DNAH12: variants seen among roughly 807,000 people sequenced by gnomAD.
DNAH12 encodes axonemal beta dynein heavy chain 12.
Under a neutral mutation model 371.5 loss-of-function variants are expected in DNAH12, and 285 were observed. The ratio of observed to expected loss-of-function variants is 0.77; its 90% CI spans 0.70 to 0.85. DNAH12 has a LOEUF of 0.85. Among genes scored for constraint, DNAH12 ranks in the 40% least tolerant of loss-of-function variants. DNAH12 has a pLI of 0.00. For missense variants in DNAH12, 3,611 were observed against 3,689.4 expected, an observed-to-expected ratio of 0.98 and a Z score of 0.55; for synonymous variants, 1,200 against 1,213.0, an observed-to-expected ratio of 0.99 and a Z score of 0.22.
intron 11 of DNAH12, among the ~76,000 whole-genome samples, chr3:57,490,918 G>C (rs145775689): frequency 6.6e-6 from 1 of 151,752 alleles, no homozygotes; most frequent in African/African-American, 2.4e-5. Flanking sequence ...GTGAAACCCC[G>C]TCTCTACTAA....
At chr3:57,435,631 G>A (rs2065100049) in intron 30 of DNAH12, among the ~76,000 whole-genome samples, 1 of 152,002 alleles carries the variant, frequency 6.6e-6, no homozygotes, top group African/African-American at 2.4e-5. Context: ...TGTGAGTCTA[G>A]TCTAAAACAT....
chr3:57,445,939 G>C, intron 27 of DNAH12, 92 bp downstream of exon 27: 1 of 1,257,518 alleles, frequency 8.0e-7, no homozygotes, highest in Non-Finnish European at 1.0e-6. Flanking sequence ...AGTGAGCCAA[G>C]ATCGCGCCAC....
intron 53 of DNAH12, 45 bp downstream of exon 53, chr3:57,376,936 A>C (rs937696545): frequency 3.5e-4 from 54 of 152,286 alleles, no homozygotes; most frequent in African/African-American, 1.2e-3. Flanking sequence ...TCACATATTC[A>C]AGGCTGACAT....
chr3:57,486,915 G>A (rs992693919), intron 12 of DNAH12, among the ~76,000 whole-genome samples: 7 of 149,694 alleles, frequency 4.7e-5, no homozygotes, highest in African/African-American at 1.8e-4. Flanking sequence ...TATACAGAGG[G>A]GCCAGAGAAG....
intron 2 of DNAH12, among the ~76,000 whole-genome samples, chr3:57,532,355 G>T (rs967697559): frequency 1.3e-5 from 2 of 152,112 alleles, no homozygotes; most frequent in Non-Finnish European, 2.9e-5. Flanking sequence ...GCCTTATTTA[G>T]TTTGGTGAGG....
chr3:57,327,324 G>C (rs984127245), intron 62 of DNAH12, among the ~76,000 whole-genome samples: 1 of 151,376 alleles, frequency 6.6e-6, no homozygotes, highest in Non-Finnish European at 1.5e-5. Context: ...GCTCTCCTCA[G>C]CAAATGTAAA....
At chr3:57,382,748 T>C (rs2063420259) in intron 49 of DNAH12, among the ~76,000 whole-genome samples, 1 of 152,174 alleles carries the variant, frequency 6.6e-6, no homozygotes, top group African/African-American at 2.4e-5. Flanking sequence ...AAGACTTAAC[T>C]CTATATTTGC....
At chr3:57,524,156 G>C (rs1485772661) in intron 2 of DNAH12, among the ~76,000 whole-genome samples, 1 of 152,070 alleles carries the variant, frequency 6.6e-6, no homozygotes, top group Non-Finnish European at 1.5e-5. Flanking sequence ...CCAATGAATA[G>C]TGGGCACTTA....
At chr3:57,403,256 G>A in intron 43 of DNAH12, 53 bp downstream of exon 43, 1 of 1,477,768 alleles carries the variant, frequency 6.8e-7, no homozygotes, top group Non-Finnish European at 9.0e-7. Context: ...CTCTTTACGA[G>A]TAAAAGAATA....
chr3:57,311,608 T>C (rs2061585776), intron 66 of DNAH12, among the ~76,000 whole-genome samples: 2 of 152,188 alleles, frequency 1.3e-5, no homozygotes, highest in Non-Finnish European at 2.9e-5. Flanking sequence ...TGGTCACAAC[T>C]GTGGTGGGGG....
chr3:57,529,837 GA>G (rs1274879944), intron 2 of DNAH12, among the ~76,000 whole-genome samples: 2 of 151,908 alleles, frequency 1.3e-5, no homozygotes, highest in Non-Finnish European at 2.9e-5. Flanking sequence ...TTATTTATTT[GA>G]AGTTTTTCTT....
At position 57,368,226 on chromosome 3, in the gene DNAH12, T is replaced by TA. The variant is rs1472480530; in HGVS notation, c.8793dup (p.Lys2932Ter). 1 of 152,194 alleles carries TA rather than the reference T, an allele frequency of 6.6e-6. No individual in the cohort carries two copies. Among genetic ancestry groups the TA allele is most frequent in the Non-Finnish European group, 1.5e-5 (1 of 68,032 alleles). The allele number at this position is 152,194 out of a possible 1,614,324, so 9.4% of individuals were successfully genotyped here. A position where few individuals can be genotyped will look rare whatever the true frequency, so the allele number is the denominator to read the frequency against. Reference sequence around the variant, plus strand: ...TCTTTTTCAGAGTTTTTGATCCACTTATTGGCTTGACCCTGGGGGTCAATC... The same window carrying TA: ...TCTTTTTCAGAGTTTTTGATCCACTTAATTGGCTTGACCCTGGGGGTCAATC... On this transcript the variant is annotated frameshift_variant, in exon 56 of 74. Transcript: ENST00000495027. LOFTEE classifies it high-confidence loss of function.
intron 67 of DNAH12, 67 bp from the exon 68 acceptor site, chr3:57,309,921 G>A (rs1001687157): frequency 1.1e-5 from 15 of 1,357,090 alleles, no homozygotes; most frequent in Middle Eastern, 2.4e-4. Context: ...ATCAGGATAC[G>A]CTACTCCAAA....
At chr3:57,536,339 T>A (rs1018601683) in intron 2 of DNAH12, 6 of 152,236 alleles carry the variant, frequency 3.9e-5, no homozygotes, top group Admixed American at 3.3e-4. Context: ...TTTTTGTGCA[T>A]GTGCTGCCAA....
intron 13 of DNAH12, among the ~76,000 whole-genome samples, chr3:57,479,328 C>T (rs1327620752): frequency 2.6e-5 from 4 of 151,958 alleles, no homozygotes; most frequent in Admixed American, 6.6e-5. Flanking sequence ...CAAAGAAGGC[C>T]ATTACATAAT....
chr3:57,476,549 G>A lies in DNAH12; in HGVS notation c.1651-3878C>T, dbSNP rs528252798. On this transcript the variant is annotated intron_variant, in intron 13 of 73. Coordinates refer to ENST00000495027, the MANE Select transcript of DNAH12 (RefSeq NM_001366028.2). Reference sequence around the variant, plus strand: ...ACTGCACTCCAGCCTGGGTGACAGAGCGAGACTCTGTCTCAAAAAAATAAA... The same window carrying A: ...ACTGCACTCCAGCCTGGGTGACAGAACGAGACTCTGTCTCAAAAAAATAAA... 7.8e-5 allele frequency among the ~76,000 whole-genome samples: 11 copies of A among 140,644 alleles called. No homozygotes were observed. The South Asian group carries it at 2.6e-3, about 33-fold the overall frequency. 92.3% of individuals were successfully genotyped at this position (140,644 alleles called of 152,430 possible).
At chr3:57,471,049 T>C (rs1157357942) in intron 15 of DNAH12, among the ~76,000 whole-genome samples, 1 of 152,042 alleles carries the variant, frequency 6.6e-6, no homozygotes, top group Non-Finnish European at 1.5e-5. Flanking sequence ...ATAACTATGA[T>C]TGAGAGCAAA....
At chr3:57,344,946 T>C (rs6445871) in intron 60 of DNAH12, among the ~76,000 whole-genome samples, 52,890 of 151,832 alleles carry the variant, frequency 0.35, 9,865 homozygotes, top group African/African-American at 0.47. Flanking sequence ...ACCCCCCATG[T>C]GGTCAAAATT....
rs548963809 is a variant in DNAH12 at position 57,472,789 on chromosome 3, T to C, written c.1651-118A>G. 7.7e-5 allele frequency: 83 copies of C among 1,076,078 alleles called. No homozygotes were observed. The South Asian group carries it at 1.2e-3, about 16-fold the overall frequency. 66.7% of individuals were successfully genotyped at this position (1,076,078 alleles called of 1,614,324 possible). ...CAGATTTCAGTTTGACTCAGATTAT[T>C]AACTGATATTTTATATATCACCCAA... On this transcript the variant is annotated intron_variant, in intron 13 of 73. Coordinates refer to ENST00000495027, the MANE Select transcript of DNAH12 (RefSeq NM_001366028.2).
Sources: gnomAD v4.1 joint callset for allele counts (sites outside exome capture counted in the v4.1 genomes callset) on GRCh38, gnomAD v4.1.1 for gene constraint, MANE v1.5 for transcripts, NCBI Gene and HGNC (gene_info 2026-07-23, HGNC 2026-07-21) for gene names.